Variants in PTPRN2 observed in about 807,000 individuals in gnomAD.
The protein encoded by PTPRN2 is receptor-type tyrosine-protein phosphatase N2.
PTPRN2 carries 74 observed loss-of-function variants against 118.8 expected under a neutral mutation model. The ratio of observed to expected loss-of-function variants is 0.62; its 90% CI spans 0.52 to 0.76. The LOEUF is 0.76. Ranked by LOEUF, PTPRN2 falls within the 30% of genes least tolerant of loss-of-function variation. PTPRN2 has a pLI of 0.00. For synonymous variants in PTPRN2, 641 were observed against 608.0 expected, an observed-to-expected ratio of 1.05 and a Z score of -0.80; for missense variants, 1,481 against 1,394.4, an observed-to-expected ratio of 1.06 and a Z score of -0.99.
At chr7:158,356,874 A>C (rs769392860) in intron 2 of PTPRN2, among the ~76,000 whole-genome samples, 97 of 152,288 alleles carry the variant, frequency 6.4e-4, no homozygotes, top group Non-Finnish European at 8.7e-4. Flanking sequence ...GACTGGGAGA[A>C]AGCTTCTGGG....
chr7:158,014,610 TC>T (rs1242797407), intron 11 of PTPRN2, among the ~76,000 whole-genome samples: 1 of 151,034 alleles, frequency 6.6e-6, no homozygotes, highest in Non-Finnish European at 1.5e-5. Context: ...CTTCCACCCA[TC>T]CCTCATCCAT....
chr7:157,983,642 G>T (rs752589325), intron 11 of PTPRN2, among the ~76,000 whole-genome samples: 46 of 152,164 alleles, frequency 3.0e-4, no homozygotes, highest in Non-Finnish European at 5.3e-4. Context: ...CAGGGACGCT[G>T]CCTGCATGCC....
chr7:158,569,348 A>G (rs996173227), intron 1 of PTPRN2, among the ~76,000 whole-genome samples: 1 of 152,252 alleles, frequency 6.6e-6, no homozygotes, highest in Non-Finnish European at 1.5e-5. Context: ...CCAGAACTCA[A>G]TCACCACTGA....
At chr7:158,265,944 A>G (rs1797841484) in intron 3 of PTPRN2, among the ~76,000 whole-genome samples, 1 of 152,198 alleles carries the variant, frequency 6.6e-6, no homozygotes, top group South Asian at 2.1e-4. Context: ...TAGCATGCTC[A>G]GACCCCACAG....
rs117800026 is a variant in PTPRN2 at position 158,394,220 on chromosome 7, T to C, written c.164-77288A>G. Among the ~76,000 whole-genome samples, 156 of 150,692 alleles carry C rather than the reference T, an allele frequency of 1.0e-3. 3 individuals are homozygous for C. The East Asian group carries it at 0.029, about 28-fold the overall frequency. On this transcript the variant is annotated intron_variant, in intron 2 of 22. Coordinates refer to ENST00000389418, the MANE Select transcript of PTPRN2 (RefSeq NM_002847.5). ...GTGGTTCCCCTATGTCCCCCACAGATGCCTGGACCTCTCTGTTCCCTGTGG... is the reference window on the plus strand; with the variant it reads ...GTGGTTCCCCTATGTCCCCCACAGACGCCTGGACCTCTCTGTTCCCTGTGG...
At chr7:157,941,322 C>G (rs1236431626) in intron 11 of PTPRN2, among the ~76,000 whole-genome samples, 1 of 104,278 alleles carries the variant, frequency 9.6e-6, no homozygotes, top group African/African-American at 5.7e-5. Context: ...AAATCTAACA[C>G]CCTCCCCACC....
chr7:157,541,117 CCTT>C lies in PTPRN2; in HGVS notation c.2977-335_2977-333del. ...CAACGGTTCCTGCGTACTGCCCTGTCCTTCTGACCCTACGACTCCACGATTCCT... is the reference window on the plus strand; with the variant it reads ...CAACGGTTCCTGCGTACTGCCCTGTCCTGACCCTACGACTCCACGATTCCT... On this transcript the variant is annotated intron_variant, in intron 22 of 22. Coordinates refer to ENST00000389418, the MANE Select transcript of PTPRN2 (RefSeq NM_002847.5). 2.0e-5 allele frequency among the ~76,000 whole-genome samples: 3 copies of C among 152,348 alleles called. No homozygotes were observed. The South Asian group carries it at 6.2e-4, about 32-fold the overall frequency.
At chr7:157,806,806 C>T (rs533793244) in intron 12 of PTPRN2, among the ~76,000 whole-genome samples, 22 of 152,316 alleles carry the variant, frequency 1.4e-4, no homozygotes, top group African/African-American at 2.6e-4. Flanking sequence ...GACCACGGCC[C>T]GGTGGTCTGC....
intron 11 of PTPRN2, among the ~76,000 whole-genome samples, chr7:157,914,664 C>T (rs1272448577): frequency 1.3e-5 from 2 of 151,672 alleles, no homozygotes; most frequent in Non-Finnish European, 2.9e-5. Flanking sequence ...GCTTATGAAC[C>T]GTGTGTAAGA....
At position 158,409,667 on chromosome 7, in the gene PTPRN2, A is replaced by G. The variant is rs369032701; in HGVS notation, c.163+80068T>C. Among the ~76,000 whole-genome samples the G allele has an allele frequency of 2.2e-4, 33 of 152,256 alleles. 1 individual carries two copies. The South Asian group carries it at 6.6e-3, about 31-fold the overall frequency. ...TGTGAGGGTTCCGGGGGTCTCTAACAACAGAAAACCTCCACTGGCTTTCAA... is the reference window on the plus strand; with the variant it reads ...TGTGAGGGTTCCGGGGGTCTCTAACGACAGAAAACCTCCACTGGCTTTCAA... On this transcript the variant is annotated intron_variant, in intron 2 of 22. Coordinates refer to ENST00000389418, the MANE Select transcript of PTPRN2 (RefSeq NM_002847.5).
chr7:157,853,950 C>T (rs1475651153), intron 12 of PTPRN2, among the ~76,000 whole-genome samples: 4 of 152,164 alleles, frequency 2.6e-5, no homozygotes, highest in African/African-American at 7.2e-5. Flanking sequence ...GGGAACACCG[C>T]GTGAAGACGG....
intron 1 of PTPRN2, among the ~76,000 whole-genome samples, chr7:158,587,188 C>A (rs1350495301): frequency 1.0e-4 from 14 of 140,158 alleles, no homozygotes; most frequent in African/African-American, 3.7e-4. Context: ...CCCCTAAACC[C>A]CCCACTCATT....
intron 2 of PTPRN2, among the ~76,000 whole-genome samples, chr7:158,388,710 A>G (rs1457871753): frequency 6.6e-6 from 1 of 152,146 alleles, no homozygotes; most frequent in Non-Finnish European, 1.5e-5. Context: ...GGGGGCCTGA[A>G]AGGCCCAACC....
At chr7:158,050,263 G>A (rs988239690) in intron 11 of PTPRN2, among the ~76,000 whole-genome samples, 1 of 152,204 alleles carries the variant, frequency 6.6e-6, no homozygotes, top group African/African-American at 2.4e-5. Context: ...AAGTGATCAT[G>A]CTTATATTTT....
At chr7:158,332,328 G>GGTGACAC (rs1804644315) in intron 2 of PTPRN2, among the ~76,000 whole-genome samples, 2 of 47,464 alleles carry the variant, frequency 4.2e-5, no homozygotes, top group African/African-American at 1.0e-4. Context: ...CACCATAAGA[G>GGTGACAC]CTGAGGCCCA....
chr7:157,799,150 C>CAGCAGG (rs1051262662), intron 12 of PTPRN2, among the ~76,000 whole-genome samples: 7 of 152,264 alleles, frequency 4.6e-5, no homozygotes, highest in Admixed American at 2.0e-4. Flanking sequence ...GGGGTGGGGC[C>CAGCAGG]AGCAGGAGCA....
intron 6 of PTPRN2, among the ~76,000 whole-genome samples, chr7:158,153,740 G>A (rs1442042285): frequency 1.3e-5 from 2 of 152,198 alleles, no homozygotes; most frequent in Admixed American, 1.3e-4. Context: ...TCTGAGCAGT[G>A]GGATATCATC....
Position 158,167,083 on chromosome 7 carries a change from C to T in PTPRN2, c.758G>A (p.Arg253Lys). 1 of 1,606,732 alleles carries T rather than the reference C, an allele frequency of 6.2e-7. No individual in the cohort carries two copies. Among genetic ancestry groups the T allele is most frequent in the East Asian group, 2.2e-5 (1 of 44,668 alleles). ...MAALSAYAAQ[R>K]PPAPPGEGSL... ...GCCCTCCCCGGGGGGAGCTGGGGGCCTCTGGGCAGCATAGGCACTGAGGGC... is the reference window on the plus strand; with the variant it reads ...GCCCTCCCCGGGGGGAGCTGGGGGCTTCTGGGCAGCATAGGCACTGAGGGC... Residue 253 changes from arginine (R) to lysine (K), a missense_variant, in exon 6 of 23, where the codon AGG (arginine) becomes AAG (lysine). Physicochemically the swap from Arg to Lys is conservative, Grantham distance 26. Coordinates refer to ENST00000389418, the MANE Select transcript of PTPRN2 (RefSeq NM_002847.5).
chr7:158,240,008 G>C (rs1403455679), intron 3 of PTPRN2, among the ~76,000 whole-genome samples: 4 of 152,288 alleles, frequency 2.6e-5, no homozygotes, highest in African/African-American at 9.6e-5. Flanking sequence ...AAGGAGGGGA[G>C]GTGGCCTCCA....
Sources: gnomAD v4.1 joint callset for allele counts (sites outside exome capture counted in the v4.1 genomes callset) on GRCh38, gnomAD v4.1.1 for gene constraint, MANE v1.5 for transcripts, NCBI Gene and HGNC (gene_info 2026-07-23, HGNC 2026-07-21) for gene names.